Variants in CD9 observed in about 807,000 individuals in gnomAD.
The protein encoded by CD9 is CD9 molecule, also known as CD9 antigen.
CD9 carries 10 observed loss-of-function variants against 31.4 expected under a neutral mutation model. That is an observed-to-expected ratio of 0.32 (90% confidence interval 0.20 to 0.54). The LOEUF (loss-of-function observed/expected upper bound fraction) is 0.54. Among genes scored for constraint, CD9 ranks in the 20% least tolerant of loss-of-function variants. CD9 has a pLI of 0.94. For synonymous variants in CD9, 113 were observed against 114.1 expected, an observed-to-expected ratio of 0.99 and a Z score of 0.06; for missense variants, 259 against 300.1, an observed-to-expected ratio of 0.86 and a Z score of 1.01.
intron 2 of CD9, among the ~76,000 whole-genome samples, chr12:6,229,061 T>C (rs977087404): frequency 6.6e-6 from 1 of 152,352 alleles, no homozygotes; most frequent in African/African-American, 2.4e-5. Flanking sequence ...ATGGGCCTTC[T>C]CTCCAATCCA....
intron 2 of CD9, among the ~76,000 whole-genome samples, chr12:6,229,267 C>G (rs1946410673): frequency 6.6e-6 from 1 of 152,206 alleles, no homozygotes; most frequent in African/African-American, 2.4e-5. Flanking sequence ...TCGGCCAGCC[C>G]CCTATCCATG....
At chr12:6,203,738 G>A (rs1184503065) in intron 1 of CD9, among the ~76,000 whole-genome samples, 1 of 152,146 alleles carries the variant, frequency 6.6e-6, no homozygotes, top group African/African-American at 2.4e-5. Context: ...ACATCTTGCT[G>A]ATGTCCATGT....
chr12:6,215,757 G>A (rs184586838), intron 1 of CD9, among the ~76,000 whole-genome samples: 121 of 152,352 alleles, frequency 7.9e-4, no homozygotes, highest in Admixed American at 6.4e-3. Flanking sequence ...CAACTTGGCT[G>A]TAGTAAAACT....
chr12:6,208,298 C>A (rs1565419044), intron 1 of CD9, among the ~76,000 whole-genome samples: 1 of 152,104 alleles, frequency 6.6e-6, no homozygotes, highest in African/African-American at 2.4e-5. Flanking sequence ...TCCAGTGACA[C>A]CTCTGAGCAG....
At chr12:6,204,147 T>A (rs1208673877) in intron 1 of CD9, among the ~76,000 whole-genome samples, 1 of 152,226 alleles carries the variant, frequency 6.6e-6, no homozygotes, top group Non-Finnish European at 1.5e-5. Context: ...TAAGCCTCAG[T>A]TTCCTCATCT....
intron 1 of CD9, among the ~76,000 whole-genome samples, chr12:6,211,802 G>C (rs919263965): frequency 2.0e-5 from 3 of 152,208 alleles, no homozygotes; most frequent in African/African-American, 4.8e-5. Flanking sequence ...TATGCTACGC[G>C]TCTGGCAAGC....
chr12:6,232,658 GC>G lies in CD9; in HGVS notation c.205del (p.Leu69SerfsTer2). On this transcript the variant is annotated frameshift_variant, in exon 3 of 8. Transcript: ENST00000009180. LOFTEE classifies it high-confidence loss of function. This position sits in a 1 kb window ranked among gnomAD's most constrained non-coding sequence, Gnocchi z 4.8. ...AGTCTATATTCTGATCGGAGCCGGC[GC>G]CCTCATGATGCTGGTGGGCTTCCTG... ...TGVYILIGAG[A>X]LMMLVGFLGC... 1.3e-6 allele frequency: 2 copies of G among 1,579,880 alleles called. No individual in the cohort carries two copies. Among genetic ancestry groups the G allele is most frequent in the Non-Finnish European group, 8.6e-7 (1 of 1,165,402 alleles).
At chr12:6,222,254 T>C (rs1024306824) in intron 1 of CD9, among the ~76,000 whole-genome samples, 2 of 151,818 alleles carry the variant, frequency 1.3e-5, no homozygotes, top group African/African-American at 4.8e-5. Context: ...TCACATAGCA[T>C]CCCCCCCGGC....
intron 1 of CD9, among the ~76,000 whole-genome samples, chr12:6,211,132 G>T (rs1016143618): frequency 7.2e-5 from 11 of 152,112 alleles, no homozygotes; most frequent in Non-Finnish European, 1.5e-5. Context: ...CACCGTGCCC[G>T]GCCCGAGCAA....
intron 1 of CD9, among the ~76,000 whole-genome samples, chr12:6,213,291 C>G (rs1204560002): frequency 2.0e-5 from 3 of 152,194 alleles, no homozygotes; most frequent in Non-Finnish European, 4.4e-5. Context: ...CACACAAGAT[C>G]AGTCAATGCT....
intron 2 of CD9, among the ~76,000 whole-genome samples, chr12:6,226,748 A>T (rs1946372160): frequency 6.6e-6 from 1 of 152,192 alleles, no homozygotes; most frequent in Admixed American, 6.5e-5. Context: ...TAGAAAAAAA[A>T]CTACACATAC....
At chr12:6,207,292 G>GT (rs1009529525) in intron 1 of CD9, among the ~76,000 whole-genome samples, 4 of 152,276 alleles carry the variant, frequency 2.6e-5, no homozygotes, top group African/African-American at 9.6e-5. Context: ...TTGCCTCACC[G>GT]TTCCCCGGGG....
chr12:6,203,067 G>T (rs539119467), intron 1 of CD9, among the ~76,000 whole-genome samples: 1 of 152,324 alleles, frequency 6.6e-6, no homozygotes, highest in African/African-American at 2.4e-5. Flanking sequence ...CGGTCCACTT[G>T]TGCAGAGTGT....
At chr12:6,216,542 A>G (rs555441011) in intron 1 of CD9, among the ~76,000 whole-genome samples, 2 of 152,318 alleles carry the variant, frequency 1.3e-5, no homozygotes, top group Admixed American at 6.5e-5. Context: ...CAGCAGGGTT[A>G]ATTTGCCCAC....
Position 6,235,340 on chromosome 12 carries a change from G to A in CD9, c.447+13G>A. ...CATCCACTATGCGGTATGTCGCCTTGGCAAAGACACCCTCCTGCGCTTTCT... is the reference window on the plus strand; with the variant it reads ...CATCCACTATGCGGTATGTCGCCTTAGCAAAGACACCCTCCTGCGCTTTCT... On this transcript the variant is annotated intron_variant, in intron 5 of 7. Coordinates refer to ENST00000009180, the MANE Select transcript of CD9 (RefSeq NM_001769.4). 5 of 1,614,220 alleles carry A rather than the reference G, an allele frequency of 3.1e-6. No homozygotes were observed. The highest frequency in any genetic ancestry group is 4.2e-6 in the Non-Finnish European group (5 of 1,180,034).
chr12:6,210,003 T>C (rs1946176899), intron 1 of CD9, among the ~76,000 whole-genome samples: 1 of 152,198 alleles, frequency 6.6e-6, no homozygotes, highest in Admixed American at 6.5e-5. Flanking sequence ...TCATTTCAAA[T>C]AGAAATTAGA....
chr12:6,214,344 CTTTT>C (rs71450123), intron 1 of CD9, among the ~76,000 whole-genome samples: 6 of 67,072 alleles, frequency 8.9e-5, no homozygotes, highest in Admixed American at 2.5e-4. Flanking sequence ...CCATTAGCCT[CTTTT>C]TTTTTTTTTT....
chr12:6,215,307 G>C (rs948950171), intron 1 of CD9, among the ~76,000 whole-genome samples: 1 of 152,186 alleles, frequency 6.6e-6, no homozygotes, highest in Admixed American at 6.5e-5. Context: ...AGAACCCCCA[G>C]AGAGAGCTTT....
intron 7 of CD9, 68 bp downstream of exon 7, chr12:6,236,343 C>A: frequency 7.4e-7 from 1 of 1,353,562 alleles, no homozygotes; most frequent in Non-Finnish European, 1.1e-6. Flanking sequence ...CATGCTCTAC[C>A]CAGACACCGC....
Sources: allele counts gnomAD v4.1 joint callset (sites outside exome capture counted in the v4.1 genomes callset), GRCh38; gene constraint gnomAD v4.1.1; non-coding constraint Gnocchi (gnomAD v3.1); transcripts MANE v1.5; gene names NCBI Gene and HGNC (gene_info 2026-07-23, HGNC 2026-07-21).